The following SMC5 variants were observed in gnomAD, a reference collection of about 807,000 sequenced individuals.
SMC5 encodes structural maintenance of chromosomes protein 5.
Under a neutral mutation model 148.3 loss-of-function variants are expected in SMC5, and 88 were observed. The ratio of observed to expected loss-of-function variants is 0.59; its 90% CI spans 0.50 to 0.71. SMC5 has a LOEUF of 0.71. Among genes scored for constraint, SMC5 ranks in the 30% least tolerant of loss-of-function variants. SMC5 has a pLI of 0.00. For synonymous variants in SMC5, 421 were observed against 432.8 expected (o/e 0.97, Z 0.34); for missense variants, 1,142 against 1,298.9 (o/e 0.88, Z 1.86).
chr9:70,264,748 AC>A (rs143416218), intron 2 of SMC5, among the ~76,000 whole-genome samples: 2,513 of 152,326 alleles, frequency 0.016, 41 homozygotes, highest in South Asian at 0.069. Context: ...AAGGGCAGAA[AC>A]AAAATCCAGT....
chr9:70,326,446 A>AT (rs1404203158), intron 17 of SMC5, among the ~76,000 whole-genome samples: 1 of 152,130 alleles, frequency 6.6e-6, no homozygotes, highest in African/African-American at 2.4e-5. Flanking sequence ...ATATCTCAAT[A>AT]TGCTGCTATG....
At chr9:70,261,833 T>C (rs1392364588) in intron 1 of SMC5, among the ~76,000 whole-genome samples, 1 of 152,156 alleles carries the variant, frequency 6.6e-6, no homozygotes, top group East Asian at 1.9e-4. Context: ...GGGAGACAAT[T>C]ATCAAAGAAG....
Position 70,324,073 on chromosome 9 carries a change from C to T in SMC5, c.2327C>T (p.Thr776Ile). 2 of 1,599,566 alleles carry T rather than the reference C, an allele frequency of 1.3e-6. No homozygotes were observed. The highest frequency in any genetic ancestry group is 2.3e-5 in the East Asian group (1 of 44,386). Residue 776 changes from threonine to isoleucine, a missense_variant, in exon 17 of 25, where the codon ACA (threonine) becomes ATA (isoleucine). Thr to Ile is a moderately conservative substitution (Grantham distance 89, BLOSUM62 -1). Transcript: ENST00000361138. ...GTAGATTTAATTCTCCAAAATACTA[C>T]AGTGATCTCTGAGAAGAACAAATTA... ...QKVDLILQNT[T>I]VISEKNKLES...
chr9:70,347,604 C>A lies in SMC5; in HGVS notation c.2665-9C>A. 2.1e-6 allele frequency: 3 copies of A among 1,440,966 alleles called. No homozygotes were observed. The highest frequency in any genetic ancestry group is 2.8e-6 in the Non-Finnish European group (3 of 1,062,378). The allele number at this position is 1,440,966 out of a possible 1,614,324, so 89.3% of individuals were successfully genotyped here. On this transcript the variant is annotated splice_polypyrimidine_tract_variant and intron_variant, in intron 20 of 24. Transcript: ENST00000361138. ...TTTATCTTAAAGAAGTTTTTTTTTC[C>A]CCTGCCAGATTGTTCAGGAATATAC...
chr9:70,269,446 G>C (rs2034384963), intron 3 of SMC5, among the ~76,000 whole-genome samples: 2 of 152,038 alleles, frequency 1.3e-5, no homozygotes, highest in Non-Finnish European at 2.9e-5. Flanking sequence ...GCCAGGCCTG[G>C]CTGCGCACCT....
chr9:70,329,510 G>A (rs2309611), intron 17 of SMC5, among the ~76,000 whole-genome samples: 96,863 of 151,990 alleles, frequency 0.64, 31,635 homozygotes, highest in Non-Finnish European at 0.71. Flanking sequence ...CAAGAGTGAC[G>A]TTTACTCGAG....
chr9:70,298,989 A>G (rs1308848231), intron 9 of SMC5, among the ~76,000 whole-genome samples: 2 of 151,780 alleles, frequency 1.3e-5, no homozygotes, highest in Non-Finnish European at 2.9e-5. Context: ...GGGATTATTA[A>G]TAATGATTTT....
At chr9:70,323,157 A>T (rs957007429) in intron 15 of SMC5, among the ~76,000 whole-genome samples, 5 of 152,152 alleles carry the variant, frequency 3.3e-5, no homozygotes, top group African/African-American at 1.2e-4. Flanking sequence ...AATTTACTTC[A>T]CTTACCTGAG....
chr9:70,259,353 G>C, intron 1 of SMC5, 90 bp downstream of exon 1: 2 of 1,351,148 alleles, frequency 1.5e-6, no homozygotes, highest in East Asian at 2.6e-5. Context: ...TGGGCGTGTG[G>C]GTGTGTACCT....
chr9:70,324,633 A>G (rs564381099), intron 17 of SMC5, among the ~76,000 whole-genome samples: 2 of 152,218 alleles, frequency 1.3e-5, no homozygotes, highest in African/African-American at 4.8e-5. Flanking sequence ...CAAACTGTAT[A>G]CCATAGGGGC....
At chr9:70,307,989 C>T (rs2035551662) in intron 11 of SMC5, among the ~76,000 whole-genome samples, 2 of 152,106 alleles carry the variant, frequency 1.3e-5, no homozygotes, top group South Asian at 4.1e-4. Context: ...AGTCCTTTAA[C>T]CAAAAATCCT....
intron 9 of SMC5, 128 bp from the exon 10 acceptor site, chr9:70,299,918 A>T: frequency 1.5e-6 from 1 of 681,868 alleles, no homozygotes; most frequent in South Asian, 3.0e-5. Flanking sequence ...ATTTTCCACT[A>T]TGGGAGTTAC....
At chr9:70,345,941 T>A (rs1378963652) in intron 18 of SMC5, among the ~76,000 whole-genome samples, 1 of 152,100 alleles carries the variant, frequency 6.6e-6, no homozygotes, top group Non-Finnish European at 1.5e-5. Flanking sequence ...AGTTGACAAG[T>A]CTTAGGTATC....
At position 70,346,463 on chromosome 9, in the gene SMC5, A is replaced by C. The variant is rs557193936; in HGVS notation, c.2524-142A>C. 6.1e-6 allele frequency: 5 copies of C among 823,534 alleles called. No homozygotes were observed. In the Admixed American group the frequency reaches 1.1e-4, roughly 18 times the overall value. 51.0% of individuals were successfully genotyped at this position (823,534 alleles called of 1,614,324 possible). ...TGTCCCCATGGCATGGACTCAGAAG[A>C]TAGTACTGTGGTGAAATTCAACTGT... On this transcript the variant is annotated intron_variant, in intron 18 of 24. Transcript: ENST00000361138.
chr9:70,341,772 C>A (rs1242648168), intron 17 of SMC5, among the ~76,000 whole-genome samples: 1 of 152,094 alleles, frequency 6.6e-6, no homozygotes. Flanking sequence ...GAAATAGGAA[C>A]ACTTTTACAC....
chr9:70,308,919 G>C (rs1490733259), intron 11 of SMC5, among the ~76,000 whole-genome samples: 1 of 152,010 alleles, frequency 6.6e-6, no homozygotes, highest in Non-Finnish European at 1.5e-5. Flanking sequence ...AAATATAACA[G>C]ATTTATAAAG....
At chr9:70,319,043 C>T (rs1020582061) in intron 15 of SMC5, 80 bp downstream of exon 15, 2 of 1,172,748 alleles carry the variant, frequency 1.7e-6, no homozygotes, top group Non-Finnish European at 2.3e-6. Flanking sequence ...ATAACAACAG[C>T]ATTTCCACAA....
intron 18 of SMC5, 43 bp downstream of exon 18, chr9:70,344,312 C>A: frequency 7.4e-7 from 1 of 1,345,944 alleles, no homozygotes. Context: ...CCATATTTAA[C>A]ATTTTTAAGA....
intron 8 of SMC5, 52 bp from the exon 9 acceptor site, chr9:70,297,914 A>G: frequency 6.4e-7 from 1 of 1,562,630 alleles, no homozygotes; most frequent in Non-Finnish European, 8.6e-7. Context: ...CAGAAGTCTT[A>G]TAAACCAAGA....
Sources: allele counts gnomAD v4.1 joint callset (sites outside exome capture counted in the v4.1 genomes callset), GRCh38; gene constraint gnomAD v4.1.1; transcripts MANE v1.5; gene names NCBI Gene and HGNC (gene_info 2026-07-23, HGNC 2026-07-21).